LTBP1: variants seen among roughly 807,000 people sequenced by gnomAD.
The protein encoded by LTBP1 is latent transforming growth factor beta binding protein 1.
In LTBP1, 129 loss-of-function variants were observed where a neutral mutation model predicts 207.6. The observed-to-expected ratio is 0.62, with a 90% CI of 0.54 to 0.72. The LOEUF (loss-of-function observed/expected upper bound fraction) is 0.72. LTBP1 is among the 30% of genes least tolerant of loss of function. LTBP1 has a pLI of 0.00. For missense variants in LTBP1, 2,281 were observed against 2,217.2 expected (o/e 1.03, Z -0.58); for synonymous variants, 963 against 833.7 (o/e 1.16, Z -2.67).
At chr2:33,201,634 TAAAA>T (rs201476419) in intron 7 of LTBP1, among the ~76,000 whole-genome samples, 1 of 126,934 alleles carries the variant, frequency 7.9e-6, no homozygotes, top group Non-Finnish European at 1.7e-5. Flanking sequence ...ATAATGATAA[TAAAA>T]AAAAAGAAGA....
intron 3 of LTBP1, among the ~76,000 whole-genome samples, chr2:33,043,775 A>C (rs2149433735): frequency 6.6e-6 from 1 of 152,330 alleles, no homozygotes; most frequent in South Asian, 2.1e-4. Flanking sequence ...ATTTTGGGAA[A>C]TTTATCTGGT....
intron 7 of LTBP1, among the ~76,000 whole-genome samples, chr2:33,191,325 C>T (rs1355986526): frequency 6.6e-6 from 1 of 152,166 alleles, no homozygotes; most frequent in East Asian, 1.9e-4. Context: ...ATAATTAAAA[C>T]TCTGGAATAC....
At chr2:33,385,103 A>C (rs902790291) in intron 31 of LTBP1, among the ~76,000 whole-genome samples, 1 of 152,212 alleles carries the variant, frequency 6.6e-6, no homozygotes, top group Non-Finnish European at 1.5e-5. Context: ...CTGATGATCT[A>C]ATGTTAAAAT....
At chr2:33,343,390 A>G (rs968606300) in intron 25 of LTBP1, among the ~76,000 whole-genome samples, 1 of 148,730 alleles carries the variant, frequency 6.7e-6, no homozygotes, top group Non-Finnish European at 1.5e-5. Flanking sequence ...CAGCTTGGGC[A>G]ACAGAGAAAG....
At chr2:33,235,659 C>T (rs969324982) in intron 9 of LTBP1, among the ~76,000 whole-genome samples, 1 of 152,148 alleles carries the variant, frequency 6.6e-6, no homozygotes, top group African/African-American at 2.4e-5. Context: ...AACCCAAATG[C>T]CCATCAATGA....
intron 5 of LTBP1, among the ~76,000 whole-genome samples, chr2:33,186,011 A>C (rs2087151520): frequency 6.6e-6 from 1 of 152,018 alleles, no homozygotes; most frequent in East Asian, 1.9e-4. Context: ...CAGAGTTATA[A>C]CTCCTCTTAA....
intron 3 of LTBP1, among the ~76,000 whole-genome samples, chr2:33,106,374 A>G (rs555576026): frequency 1.3e-5 from 2 of 152,322 alleles, no homozygotes; most frequent in Non-Finnish European, 2.9e-5. Context: ...ATGTTTTCCA[A>G]TTTACTTTGC....
At chr2:33,345,337 T>A (rs2149724012) in intron 25 of LTBP1, among the ~76,000 whole-genome samples, 1 of 152,326 alleles carries the variant, frequency 6.6e-6, no homozygotes, top group South Asian at 2.1e-4. Context: ...AAGGCAGGAG[T>A]TGGGACTGCT....
At chr2:33,099,243 G>A (rs2079568622) in intron 3 of LTBP1, among the ~76,000 whole-genome samples, 1 of 152,044 alleles carries the variant, frequency 6.6e-6, no homozygotes, top group South Asian at 2.1e-4. Context: ...TATTACTTAG[G>A]TGACCTAGTT....
At chr2:33,377,861 C>T (rs548865490) in intron 31 of LTBP1, among the ~76,000 whole-genome samples, 32 of 152,164 alleles carry the variant, frequency 2.1e-4, no homozygotes, top group East Asian at 1.5e-3. Context: ...AGAGAAAGAG[C>T]GAGGAAGTGC....
At chr2:33,016,532 G>A (rs1688402511) in intron 2 of LTBP1, among the ~76,000 whole-genome samples, 1 of 151,998 alleles carries the variant, frequency 6.6e-6, no homozygotes. Flanking sequence ...TTGGAGTTAG[G>A]CCTGGGTTTG....
intron 2 of LTBP1, among the ~76,000 whole-genome samples, chr2:33,007,970 GTGGAC>G (rs941364460): frequency 1.3e-5 from 2 of 152,242 alleles, no homozygotes; most frequent in African/African-American, 4.8e-5. Context: ...TCTGGCTTCA[GTGGAC>G]TCTGGCTTTA....
Position 33,315,144 on chromosome 2 carries a change from A to G in LTBP1, c.3605A>G (p.Asp1202Gly). 1.3e-6 allele frequency: 2 copies of G among 1,595,516 alleles called. No homozygotes were observed. The highest frequency in any genetic ancestry group is 1.7e-6 in the Non-Finnish European group (2 of 1,175,700). The change falls in exon 24 of 34, where the codon GAT becomes GGT. Residue 1202 changes from aspartate (D) to glycine (G), a missense_variant and splice_region_variant. Coordinates refer to ENST00000404816, the MANE Select transcript of LTBP1 (RefSeq NM_206943.4). ...FQLDDNKTCQ[D>G]INECEHPGLC... ...TTTAAGACTCTATTTTAAATTACAG[A>G]TATTAATGAATGTGAACATCCAGGG...
intron 3 of LTBP1, among the ~76,000 whole-genome samples, chr2:33,075,324 T>G (rs2078023785): frequency 6.6e-6 from 1 of 152,204 alleles, no homozygotes; most frequent in Admixed American, 6.5e-5. Flanking sequence ...AGTTGATACA[T>G]GATTTAAAAA....
rs899412790 is a variant in LTBP1, at chr2:33,173,890, A to G, written c.1202-12966A>G. Among the ~76,000 whole-genome samples the G allele has an allele frequency of 1.3e-3, 195 of 146,110 alleles. 1 individual carries two copies. The Middle Eastern group carries it at 0.014, about 10-fold the overall frequency. On this transcript the variant is annotated intron_variant, in intron 5 of 33. Coordinates refer to ENST00000404816, the MANE Select transcript of LTBP1 (RefSeq NM_206943.4). Reference sequence around the variant, plus strand: ...AAATGTAATCCAGCATATAAACAGAACCAAAGACAAAAACCACATGATTAT... The same window carrying G: ...AAATGTAATCCAGCATATAAACAGAGCCAAAGACAAAAACCACATGATTAT...
intron 29 of LTBP1, 130 bp downstream of exon 29, chr2:33,363,648 G>A: frequency 5.8e-6 from 6 of 1,032,172 alleles, no homozygotes; most frequent in Non-Finnish European, 6.7e-6. Context: ...AACGTTTTAG[G>A]GATCTTTTTC....
chr2:33,178,757 GT>G (rs1285264722), intron 5 of LTBP1, among the ~76,000 whole-genome samples: 7 of 152,162 alleles, frequency 4.6e-5, no homozygotes, highest in Admixed American at 6.5e-5. Context: ...TGCTTGAATG[GT>G]ATCTCACCAC....
At chr2:33,165,661 C>G (rs79016551) in intron 5 of LTBP1, among the ~76,000 whole-genome samples, 2,280 of 152,294 alleles carry the variant, frequency 0.015, 23 homozygotes, top group East Asian at 0.027. Flanking sequence ...AGTAAACTCT[C>G]TGTGGAAAAG....
At chr2:33,188,385 C>G (rs1457854855) in intron 6 of LTBP1, among the ~76,000 whole-genome samples, 192 bp from the exon 7 acceptor site, 2 of 135,116 alleles carry the variant, frequency 1.5e-5, no homozygotes, top group Non-Finnish European at 1.5e-5. Flanking sequence ...TGAGATCGAG[C>G]CATTGCACAT....
Sources: allele counts gnomAD v4.1 joint callset (sites outside exome capture counted in the v4.1 genomes callset), GRCh38; gene constraint gnomAD v4.1.1; transcripts MANE v1.5; gene names NCBI Gene and HGNC (gene_info 2026-07-23, HGNC 2026-07-21).